INHBA: variants seen among roughly 807,000 people sequenced by gnomAD.
INHBA encodes inhibin beta A chain.
In INHBA, 1 loss-of-function variant was observed where a neutral mutation model predicts 29.0. The observed-to-expected ratio is 0.03, with a 90% CI of 0.01 to 0.16. INHBA has a LOEUF of 0.16. INHBA is among the 10% of genes least tolerant of loss of function. The pLI is 1.00. For missense variants in INHBA, 376 were observed against 545.4 expected, an observed-to-expected ratio of 0.69 and a Z score of 3.09; for synonymous variants, 242 against 216.8, an observed-to-expected ratio of 1.12 and a Z score of -1.02.
rs147615988 is a variant in INHBA at position 41,696,656 on chromosome 7, G to A, written c.388+3331C>T. ...TCTTCCCCATTATTCACGGAAGAGAGCGTGTAACCCCTAAAGGCATCCCTA... is the reference window on the plus strand; with the variant it reads ...TCTTCCCCATTATTCACGGAAGAGAACGTGTAACCCCTAAAGGCATCCCTA... On this transcript the variant is annotated intron_variant, in intron 2 of 2. Coordinates refer to ENST00000242208, the MANE Select transcript of INHBA (RefSeq NM_002192.4). 1.7e-3 allele frequency among the ~76,000 whole-genome samples: 252 copies of A among 152,302 alleles called. 1 individual carries two copies. Among genetic ancestry groups the A allele is most frequent in the African/African-American group, 5.9e-3 (244 of 41,566 alleles).
chr7:41,691,314 T>G (rs988261726), intron 2 of INHBA: 3 of 152,368 alleles, frequency 2.0e-5, no homozygotes, highest in African/African-American at 7.2e-5. Context: ...TTACTTTGCC[T>G]CTGCAACACT....
In INHBA at chr7:41,699,232, G is replaced by A. The variant is rs189657002; in HGVS notation, c.388+755C>T. On this transcript the variant is annotated intron_variant, in intron 2 of 2. Transcript: ENST00000242208. Reference sequence around the variant, plus strand: ...TCTGAGAGTACTTTGTCAAGGTTGCGTTCCTTGGCAGAGAGCTCTTAGTAA... The same window carrying A: ...TCTGAGAGTACTTTGTCAAGGTTGCATTCCTTGGCAGAGAGCTCTTAGTAA... Among the ~76,000 whole-genome samples the A allele has an allele frequency of 1.5e-3, 222 of 152,284 alleles. 1 individual carries two copies. Among genetic ancestry groups the A allele is most frequent in the Non-Finnish European group, 2.4e-3 (165 of 68,026 alleles).
Position 41,695,106 on chromosome 7 carries a change from T to C in INHBA, c.389-4564A>G, listed in dbSNP as rs75396036. Reference sequence around the variant, plus strand: ...CCAAAAGTCCAGCATCTCAGATTTGTGGGTCTATGAACATTTTCAGTTAAA... The same window carrying C: ...CCAAAAGTCCAGCATCTCAGATTTGCGGGTCTATGAACATTTTCAGTTAAA... On this transcript the variant is annotated intron_variant, in intron 2 of 2. Coordinates refer to ENST00000242208, the MANE Select transcript of INHBA (RefSeq NM_002192.4). 3.1e-3 allele frequency among the ~76,000 whole-genome samples: 474 copies of C among 152,356 alleles called. 2 individuals are homozygous for C. The highest frequency in any genetic ancestry group is 0.011 in the African/African-American group (459 of 41,590).
upstream of INHBA, among the ~76,000 whole-genome samples, chr7:41,703,839 G>T (rs1273982026): frequency 6.6e-6 from 1 of 151,348 alleles, no homozygotes; most frequent in Admixed American, 6.6e-5. Context: ...TTTTTTACCA[G>T]AACTTCAACT....
chr7:41,703,889 A>G (rs1219592345), upstream of INHBA, among the ~76,000 whole-genome samples: 2 of 152,204 alleles, frequency 1.3e-5, no homozygotes, highest in Admixed American at 6.5e-5. Context: ...ACAGCAGATT[A>G]ATGAAAAGAA....
Position 41,690,450 on chromosome 7 carries a change from C to A in INHBA, c.481G>T (p.Val161Phe), listed in dbSNP as rs1354806996. 3 of 1,614,028 alleles carry A rather than the reference C, an allele frequency of 1.9e-6. No individual in the cohort carries two copies. The highest frequency in any genetic ancestry group is 1.1e-5 in the South Asian group (1 of 91,080). The change falls in exon 3 of 3, where the codon GTC (valine) becomes TTC (phenylalanine). Residue 161 changes from valine (V) to phenylalanine (F), a missense_variant. Physicochemically the swap from Val to Phe is conservative, Grantham distance 50. Transcript: ENST00000242208. ...GTCCTGGTCCTGTTGGCCTTGGGGA[C>A]TTTTAGGAAGAGCCAGACTTCTGCA... ...ERAEVWLFLK[V>F]PKANRTRTKV...
upstream of INHBA, among the ~76,000 whole-genome samples, chr7:41,705,012 C>T (rs972041279): frequency 6.6e-6 from 1 of 152,024 alleles, no homozygotes; most frequent in African/African-American, 2.4e-5. Context: ...CCACCTGCAC[C>T]ACAGTGGCAA....
chr7:41,690,344 CCCA>C lies in INHBA; in HGVS notation c.584_586del (p.Val195del). Reference sequence around the variant, plus strand: ...CAGTTCACTCCTCTCCCCCTTTAAGCCCACTTCCTCGGCCTCTTCCCCTGTGTC... The same window carrying C: ...CAGTTCACTCCTCTCCCCCTTTAAGCCTTCCTCGGCCTCTTCCCCTGTGTC... On this transcript the variant is annotated inframe_deletion, in exon 3 of 3. Transcript: ENST00000242208. 6.2e-7 allele frequency: 1 copy of C among 1,614,094 alleles called. No homozygotes were observed. The highest frequency in any genetic ancestry group is 8.5e-7 in the Non-Finnish European group (1 of 1,180,024).
chr7:41,699,810 C>G (rs967582065), intron 2 of INHBA, among the ~76,000 whole-genome samples, 177 bp downstream of exon 2: 1 of 152,094 alleles, frequency 6.6e-6, no homozygotes, highest in African/African-American at 2.4e-5. Context: ...AAAGTCCTCT[C>G]CCCCTCCCCT....
chr7:41,696,519 A>G (rs1370052738), intron 2 of INHBA, among the ~76,000 whole-genome samples: 1 of 152,190 alleles, frequency 6.6e-6, no homozygotes, highest in Non-Finnish European at 1.5e-5. Context: ...GGTAACTGAT[A>G]ATCACCAAGA....
Position 41,687,541 on chromosome 7 carries a change from A to G in INHBA, c.*2109T>C, listed in dbSNP as rs1317959821. ...GCTTTAAGCATGTACTTTGATATTTATAAAACAAAGGTGTTTTTTTTTCAT... is the reference window on the plus strand; with the variant it reads ...GCTTTAAGCATGTACTTTGATATTTGTAAAACAAAGGTGTTTTTTTTTCAT... On this transcript the variant is annotated 3_prime_UTR_variant, in exon 3 of 3. Transcript: ENST00000242208. 6.6e-6 allele frequency: 1 copy of G among 152,226 alleles called. No individual in the cohort carries two copies. Among genetic ancestry groups the G allele is most frequent in the Non-Finnish European group, 1.5e-5 (1 of 68,040 alleles). The allele number at this position is 152,226 out of a possible 1,614,324, so 9.4% of individuals were successfully genotyped here.
Position 41,689,404 on chromosome 7 carries a change from C to T in INHBA, c.*246G>A. ...ATAAAGGGTACACCATTCTCCCTTT[C>T]CCTCCCAATTCCTGTCTCTTTCACT... On this transcript the variant is annotated 3_prime_UTR_variant, in exon 3 of 3. Transcript: ENST00000242208. 1 of 470,550 alleles carries T rather than the reference C, an allele frequency of 2.1e-6. No individual in the cohort carries two copies. The highest frequency in any genetic ancestry group is 3.7e-6 in the Non-Finnish European group (1 of 268,972). 29.1% of individuals were successfully genotyped at this position (470,550 alleles called of 1,614,324 possible). A position where few individuals can be genotyped will look rare whatever the true frequency, so the allele number is the denominator to read the frequency against.
chr7:41,689,512 TG>T lies in INHBA; in HGVS notation c.*137del, dbSNP rs886583686. On this transcript the variant is annotated 3_prime_UTR_variant, in exon 3 of 3. Transcript: ENST00000242208. ...TCAGGTTTTGTTTTTAATTTACTTT[TG>T]TTTTTTTTTGTTTTTTTTTTTGTTT... The T allele has an allele frequency of 1.2e-5, 9 of 738,898 alleles. No homozygotes were observed. The Admixed American group carries it at 1.5e-4, about 13-fold the overall frequency. The allele number at this position is 738,898 out of a possible 1,614,324, so 45.8% of individuals were successfully genotyped here.
At chr7:41,698,367 CAT>C (rs1794696600) in intron 2 of INHBA, among the ~76,000 whole-genome samples, 1 of 152,156 alleles carries the variant, frequency 6.6e-6, no homozygotes, top group African/African-American at 2.4e-5. Flanking sequence ...TTGAATCCAT[CAT>C]GTGTGGAGGT....
chr7:41,685,171 CT>C lies in INHBA; in HGVS notation c.*4478del, dbSNP rs1794372974. The C allele has an allele frequency of 6.6e-6, 1 of 152,128 alleles. No individual in the cohort carries two copies. Among genetic ancestry groups the C allele is most frequent in the Non-Finnish European group, 1.5e-5 (1 of 67,978 alleles). 9.4% of individuals were successfully genotyped at this position (152,128 alleles called of 1,614,324 possible). A position where few individuals can be genotyped will look rare whatever the true frequency, so the allele number is the denominator to read the frequency against. On this transcript the variant is annotated 3_prime_UTR_variant, in exon 3 of 3. Transcript: ENST00000242208. ...AGGCCAAAGAAGCTATCAGGCGTTG[CT>C]GAATACTGTCCACTAACTGTACAAA...
rs1397640362 is a variant in INHBA at position 41,690,446 on chromosome 7, G to A, written c.485C>T (p.Pro162Leu). 1.2e-6 allele frequency: 2 copies of A among 1,613,890 alleles called. No homozygotes were observed. Among genetic ancestry groups the A allele is most frequent in the Non-Finnish European group, 1.7e-6 (2 of 1,180,026 alleles). Reference sequence around the variant, plus strand: ...TTTGGTCCTGGTCCTGTTGGCCTTGGGGACTTTTAGGAAGAGCCAGACTTC... The same window carrying A: ...TTTGGTCCTGGTCCTGTTGGCCTTGAGGACTTTTAGGAAGAGCCAGACTTC... ...RAEVWLFLKV[P>L]KANRTRTKVT... Residue 162 changes from proline to leucine, a missense_variant, in exon 3 of 3, where the codon CCC (proline) becomes CTC (leucine). Physicochemically the swap from Pro to Leu is moderately conservative, Grantham distance 98 (BLOSUM62 -3). Coordinates refer to ENST00000242208, the MANE Select transcript of INHBA (RefSeq NM_002192.4).
rs1794415131 is a variant in INHBA, at chr7:41,687,621, A to C, written c.*2029T>G. ...CATGAAGAATTTTGGCTGTAAATTA[A>C]AATTTTAGAGATTTTTACTACTGCC... On this transcript the variant is annotated 3_prime_UTR_variant, in exon 3 of 3. Coordinates refer to ENST00000242208, the MANE Select transcript of INHBA (RefSeq NM_002192.4). 6.6e-6 allele frequency: 1 copy of C among 152,150 alleles called. No individual in the cohort carries two copies. The allele number at this position is 152,150 out of a possible 1,614,324, so 9.4% of individuals were successfully genotyped here.
At chr7:41,698,895 C>T (rs1794708992) in intron 2 of INHBA, among the ~76,000 whole-genome samples, 1 of 152,222 alleles carries the variant, frequency 6.6e-6, no homozygotes, top group Admixed American at 6.5e-5. Context: ...ACTTTACTGG[C>T]CATATGCTCT....
chr7:41,704,550 C>T (rs1794867413), upstream of INHBA, among the ~76,000 whole-genome samples: 1 of 151,892 alleles, frequency 6.6e-6, no homozygotes. Flanking sequence ...TCTAAACTCA[C>T]CCCTGACCCA....
Sources: gnomAD v4.1 joint callset for allele counts (sites outside exome capture counted in the v4.1 genomes callset) on GRCh38, gnomAD v4.1.1 for gene constraint, MANE v1.5 for transcripts, NCBI Gene and HGNC (gene_info 2026-07-23, HGNC 2026-07-21) for gene names.